EHF: variants seen among roughly 807,000 people sequenced by gnomAD.
EHF encodes ETS homologous factor.
A neutral mutation model predicts 45.1 loss-of-function variants in EHF; 14 were observed. The ratio of observed to expected loss-of-function variants is 0.31; its 90% CI spans 0.21 to 0.49. EHF has a LOEUF of 0.49. Among genes scored for constraint, EHF ranks in the 20% least tolerant of loss-of-function variants. EHF has a pLI of 0.99. For missense variants in EHF, 282 were observed against 371.4 expected (o/e 0.76, Z 1.98); for synonymous variants, 136 against 131.8 (o/e 1.03, Z -0.22).
At chr11:34,650,609 T>G (rs1855054818) in intron 4 of EHF, among the ~76,000 whole-genome samples, 2 of 152,138 alleles carry the variant, frequency 1.3e-5, no homozygotes, top group Admixed American at 1.3e-4. Flanking sequence ...GTAACCTAGG[T>G]CTGCGGTGAG....
chr11:34,647,969 G>T (rs1001886557), intron 3 of EHF, among the ~76,000 whole-genome samples: 1 of 152,190 alleles, frequency 6.6e-6, no homozygotes, highest in Non-Finnish European at 1.5e-5. Context: ...GCTTTGCCCT[G>T]ATTGAGGTCT....
intron 4 of EHF, 59 bp downstream of exon 4, chr11:34,649,140 T>A: frequency 6.3e-7 from 1 of 1,578,172 alleles, no homozygotes; most frequent in Non-Finnish European, 8.7e-7. Context: ...GGGAGGACAG[T>A]TGGGAGAGGG....
intron 2 of EHF, among the ~76,000 whole-genome samples, chr11:34,644,315 T>C (rs1219048140): frequency 6.6e-6 from 1 of 152,246 alleles, no homozygotes; most frequent in African/African-American, 2.4e-5. Flanking sequence ...ACAAAATATA[T>C]ATCCCATCCT....
In EHF at chr11:34,651,915, G is replaced by T. The variant is rs1010499950; in HGVS notation, c.544+110G>T. On this transcript the variant is annotated intron_variant, in intron 6 of 8. Coordinates refer to ENST00000257831, the MANE Select transcript of EHF (RefSeq NM_012153.6). ...TTTCTGGAGTCTTTCTAATTAAAGG[G>T]CTAGGAAAGGGATGGGGTTACCATT... 1.6e-4 allele frequency: 166 copies of T among 1,062,106 alleles called. 1 individual carries two copies. The highest frequency in any genetic ancestry group is 2.2e-5 in the Non-Finnish European group (16 of 731,716). 65.8% of individuals were successfully genotyped at this position (1,062,106 alleles called of 1,614,324 possible). A position where few individuals can be genotyped will look rare whatever the true frequency, so the allele number is the denominator to read the frequency against.
At chr11:34,638,043 AG>A (rs1817244632) in intron 1 of EHF, among the ~76,000 whole-genome samples, 3 of 151,998 alleles carry the variant, frequency 2.0e-5, no homozygotes, top group African/African-American at 7.3e-5. Context: ...CTGGGATTAC[AG>A]GCATGCACCA....
Position 34,663,193 on chromosome 11 carries a change from C to T in EHF, c.*4262C>T, listed in dbSNP as rs1026292641. ...TTAAATTCAAACTATTCCTGCTATTCCTGTTTTGTCAAAGAATTATATTTT... is the reference window on the plus strand; with the variant it reads ...TTAAATTCAAACTATTCCTGCTATTTCTGTTTTGTCAAAGAATTATATTTT... On this transcript the variant is annotated 3_prime_UTR_variant, in exon 9 of 9. Transcript: ENST00000257831. Among the ~76,000 whole-genome samples, 6 of 151,918 alleles carry T rather than the reference C, an allele frequency of 3.9e-5. No homozygotes were observed. The highest frequency in any genetic ancestry group is 1.4e-4 in the African/African-American group (6 of 41,392).
intron 1 of EHF, among the ~76,000 whole-genome samples, chr11:34,629,945 G>A (rs1311683597): frequency 6.6e-6 from 1 of 152,108 alleles, no homozygotes; most frequent in African/African-American, 2.4e-5. Context: ...TAACCCCTGA[G>A]TCAATCTGGG....
At chr11:34,643,426 C>T (rs1048087376) in intron 2 of EHF, among the ~76,000 whole-genome samples, 2 of 152,146 alleles carry the variant, frequency 1.3e-5, no homozygotes, top group African/African-American at 4.8e-5. Flanking sequence ...GCTGTGCATC[C>T]AACAGCAGTG....
intron 6 of EHF, among the ~76,000 whole-genome samples, 189 bp from the exon 7 acceptor site, chr11:34,656,719 T>G (rs192032938): frequency 1.5e-4 from 23 of 152,310 alleles, no homozygotes; most frequent in Admixed American, 7.8e-4. Context: ...CTATCTCCAT[T>G]TCTTAACCTG....
At chr11:34,625,040 C>A (rs930545469) in intron 1 of EHF, among the ~76,000 whole-genome samples, 32 of 152,048 alleles carry the variant, frequency 2.1e-4, no homozygotes, top group Admixed American at 3.3e-4. Context: ...GGTGGGAGTA[C>A]CTGGGGGTCA....
chr11:34,651,103 C>A (rs1018302618), intron 4 of EHF, among the ~76,000 whole-genome samples: 1 of 149,300 alleles, frequency 6.7e-6, no homozygotes, highest in Non-Finnish European at 1.5e-5. Context: ...ATATCATTAA[C>A]CCCCCAAGGC....
At chr11:34,637,517 G>T (rs73446829) in intron 1 of EHF, among the ~76,000 whole-genome samples, 8 of 152,186 alleles carry the variant, frequency 5.3e-5, no homozygotes, top group African/African-American at 1.7e-4. Flanking sequence ...GTGCTTTCTT[G>T]CTGCAAAAAG....
At chr11:34,651,680 A>G (rs983749519) in intron 5 of EHF, 57 bp from the exon 6 acceptor site, 3 of 1,608,756 alleles carry the variant, frequency 1.9e-6, no homozygotes, top group Non-Finnish European at 2.6e-6. Context: ...ACAGTGTTCT[A>G]TTGTGAGGTG....
At chr11:34,623,116 G>T (rs1470830511) in intron 1 of EHF, among the ~76,000 whole-genome samples, 1 of 151,944 alleles carries the variant, frequency 6.6e-6, no homozygotes, top group African/African-American at 2.4e-5. Flanking sequence ...TTGAGATGAA[G>T]TCTCCGTCGC....
intron 2 of EHF, among the ~76,000 whole-genome samples, chr11:34,645,849 G>C (rs1854456256): frequency 2.0e-5 from 3 of 152,150 alleles, no homozygotes; most frequent in Admixed American, 2.0e-4. Context: ...GACTACTAAA[G>C]GTAACTGAGT....
At chr11:34,642,854 G>A (rs1284108315) in intron 2 of EHF, 127 bp downstream of exon 2, 5 of 722,058 alleles carry the variant, frequency 6.9e-6, no homozygotes, top group Non-Finnish European at 1.2e-5. Context: ...AGAAGGAATG[G>A]AGAAAACTCA....
intron 1 of EHF, among the ~76,000 whole-genome samples, chr11:34,636,433 T>G (rs1345597225): frequency 1.3e-5 from 2 of 152,220 alleles, no homozygotes; most frequent in Non-Finnish European, 2.9e-5. Context: ...ACCACAAGGA[T>G]GTCCCCAGTG....
chr11:34,631,965 C>T (rs1228899576), intron 1 of EHF, among the ~76,000 whole-genome samples: 1 of 152,108 alleles, frequency 6.6e-6, no homozygotes, highest in Non-Finnish European at 1.5e-5. Flanking sequence ...CCATGGACAC[C>T]CCTGAGTGCC....
At chr11:34,648,547 CAAA>C (rs1203096726) in intron 3 of EHF, among the ~76,000 whole-genome samples, 1 of 152,080 alleles carries the variant, frequency 6.6e-6, no homozygotes, top group Non-Finnish European at 1.5e-5. Context: ...GATTTTAAAT[CAAA>C]GAAGAATCAA....
Sources: allele counts gnomAD v4.1 joint callset (sites outside exome capture counted in the v4.1 genomes callset), GRCh38; gene constraint gnomAD v4.1.1; transcripts MANE v1.5; gene names NCBI Gene and HGNC (gene_info 2026-07-23, HGNC 2026-07-21).